The following SPAG16 variants were observed in gnomAD, a reference collection of about 807,000 sequenced individuals.
SPAG16 encodes the protein sperm-associated antigen 16 protein.
SPAG16 carries 86 observed loss-of-function variants against 80.4 expected under a neutral mutation model. The observed-to-expected ratio is 1.07, with a 90% CI of 0.90 to 1.28. The LOEUF (loss-of-function observed/expected upper bound fraction) is 1.28, where lower values mean the gene tolerates loss of function less well. SPAG16 is among the 50% of genes most tolerant of loss of function. The probability of loss-of-function intolerance (pLI) is 0.00; values close to 1 mark genes in which losing one functional copy is unlikely to be tolerated. For missense variants in SPAG16, 870 were observed against 765.3 expected, an observed-to-expected ratio of 1.14 and a Z score of -1.61; for synonymous variants, 294 against 265.9, an observed-to-expected ratio of 1.11 and a Z score of -1.03.
chr2:213,676,018 G>T (rs531824415), intron 10 of SPAG16, among the ~76,000 whole-genome samples: 2 of 152,294 alleles, frequency 1.3e-5, no homozygotes, highest in South Asian at 2.1e-4. Context: ...CTACCCATGA[G>T]CATGGAATGT....
intron 5 of SPAG16, among the ~76,000 whole-genome samples, chr2:213,323,104 G>A (rs1277461566): frequency 2.0e-5 from 3 of 152,160 alleles, no homozygotes; most frequent in Admixed American, 6.5e-5. Context: ...AAAAGTAAAC[G>A]AGAAATCACC....
chr2:213,460,999 T>C (rs1157863442), intron 9 of SPAG16, among the ~76,000 whole-genome samples: 1 of 152,174 alleles, frequency 6.6e-6, no homozygotes, highest in Admixed American at 6.5e-5. Flanking sequence ...TCATGCCATT[T>C]CTACCTCAGA....
At chr2:213,733,064 C>T (rs71635656) in intron 10 of SPAG16, among the ~76,000 whole-genome samples, 1 of 152,082 alleles carries the variant, frequency 6.6e-6, no homozygotes, top group African/African-American at 2.4e-5. Context: ...TTACTAATAG[C>T]CATTCTGACT....
At chr2:213,788,633 G>A (rs1392822521) in intron 10 of SPAG16, among the ~76,000 whole-genome samples, 4 of 151,854 alleles carry the variant, frequency 2.6e-5, no homozygotes, top group African/African-American at 9.7e-5. Context: ...AGCCTGATAT[G>A]CTAAATTTCA....
At chr2:213,487,265 A>C (rs939053437) in intron 9 of SPAG16, among the ~76,000 whole-genome samples, 1 of 152,048 alleles carries the variant, frequency 6.6e-6, no homozygotes, top group Non-Finnish European at 1.5e-5. Flanking sequence ...TTCAATGTGC[A>C]CTTTGAGTTA....
chr2:214,155,017 A>G (rs2056150158), intron 15 of SPAG16, among the ~76,000 whole-genome samples: 1 of 152,176 alleles, frequency 6.6e-6, no homozygotes, highest in Admixed American at 6.6e-5. Context: ...GAAAGTTTCT[A>G]GGTTTCAACT....
chr2:213,381,357 A>T (rs1317433754), intron 9 of SPAG16, among the ~76,000 whole-genome samples: 1 of 152,228 alleles, frequency 6.6e-6, no homozygotes, highest in Non-Finnish European at 1.5e-5. Context: ...AAAATAAAAA[A>T]ACACTGACCC....
intron 15 of SPAG16, chr2:214,239,985 T>C (rs1180686726): frequency 2.0e-5 from 3 of 152,140 alleles, no homozygotes; most frequent in Admixed American, 6.6e-5. Flanking sequence ...TCCTCCACCA[T>C]CAAGGCCAAG....
chr2:214,193,747 A>G (rs2057744669), intron 15 of SPAG16, among the ~76,000 whole-genome samples: 1 of 152,118 alleles, frequency 6.6e-6, no homozygotes, highest in South Asian at 2.1e-4. Context: ...CCTCCATTTC[A>G]TGACCTCAGA....
At chr2:213,434,453 A>C (rs2125499958) in intron 9 of SPAG16, among the ~76,000 whole-genome samples, 1 of 152,306 alleles carries the variant, frequency 6.6e-6, no homozygotes, top group Non-Finnish European at 1.5e-5. Flanking sequence ...AGTAATAAAA[A>C]CAAAAATAGA....
chr2:214,277,951 T>C (rs977084683), intron 15 of SPAG16, among the ~76,000 whole-genome samples: 3 of 152,222 alleles, frequency 2.0e-5, no homozygotes, highest in African/African-American at 7.2e-5. Context: ...TGCTGGGCTG[T>C]GGTGGGGTCC....
Position 213,534,001 on chromosome 2 carries a change from G to A in SPAG16, c.1070+43911G>A, listed in dbSNP as rs769972342. On this transcript the variant is annotated intron_variant, in intron 10 of 15. Transcript: ENST00000331683. Reference sequence around the variant, plus strand: ...TCACCTCCTATTGTTGCATATTTACGTTATTTTTATTTTTGATATTCTGAC... The same window carrying A: ...TCACCTCCTATTGTTGCATATTTACATTATTTTTATTTTTGATATTCTGAC... Among the ~76,000 whole-genome samples the A allele has an allele frequency of 2.5e-4, 38 of 151,970 alleles. 1 individual carries two copies. The highest frequency in any genetic ancestry group is 3.4e-3 in the Middle Eastern group (1 of 294).
intron 11 of SPAG16, among the ~76,000 whole-genome samples, chr2:213,878,197 G>A (rs1020082900): frequency 4.6e-5 from 7 of 152,062 alleles, no homozygotes; most frequent in Non-Finnish European, 1.0e-4. Context: ...TAGATACCTA[G>A]TAGTGAGATT....
In SPAG16 at chr2:213,576,838, TGG is replaced by T. The variant is rs1417066381; in HGVS notation, c.1070+86749_1070+86750del. ...GGGAACAAAACACACTGGGGCCTTT[TGG>T]AGGGTGGAGGGTGGGAGGAAGGAGA... is the stretch of plus-strand genomic sequence containing the variant. On this transcript the variant is annotated intron_variant, in intron 10 of 15. Transcript: ENST00000331683. 9.9e-5 allele frequency among the ~76,000 whole-genome samples: 15 copies of T among 152,116 alleles called. No homozygotes were observed. In the East Asian group the frequency reaches 2.9e-3, roughly 29 times the overall value.
At chr2:213,846,575 ATAATT>A (rs1159916091) in intron 10 of SPAG16, among the ~76,000 whole-genome samples, 1 of 152,042 alleles carries the variant, frequency 6.6e-6, no homozygotes, top group African/African-American at 2.4e-5. Flanking sequence ...ACAAAATAAT[ATAATT>A]ATAAATAAAA....
intron 10 of SPAG16, among the ~76,000 whole-genome samples, chr2:213,652,779 T>C (rs1277990891): frequency 6.6e-6 from 1 of 152,152 alleles, no homozygotes; most frequent in East Asian, 1.9e-4. Flanking sequence ...AGATATATGG[T>C]TTACAAATAC....
At chr2:213,687,359 G>A (rs1165777675) in intron 10 of SPAG16, among the ~76,000 whole-genome samples, 1 of 152,092 alleles carries the variant, frequency 6.6e-6, no homozygotes, top group Non-Finnish European at 1.5e-5. Context: ...AATTCTACTT[G>A]TGATCTTCAT....
intron 14 of SPAG16, among the ~76,000 whole-genome samples, chr2:214,144,859 A>G (rs1326209403): frequency 6.6e-6 from 1 of 152,128 alleles, no homozygotes; most frequent in Non-Finnish European, 1.5e-5. Context: ...GAAGGTTCAA[A>G]CTACAATCAA....
intron 10 of SPAG16, among the ~76,000 whole-genome samples, chr2:213,800,341 TCTCTCCCTCTCTC>T: frequency 9.6e-6 from 1 of 104,172 alleles, no homozygotes; most frequent in African/African-American, 3.7e-5. Flanking sequence ...CCTCTCTCCC[TCTCTCCCTCTCTC>T]CCTCTCTCCC....
Sources: allele counts gnomAD v4.1 joint callset (sites outside exome capture counted in the v4.1 genomes callset), GRCh38; gene constraint gnomAD v4.1.1; transcripts MANE v1.5; gene names NCBI Gene and HGNC (gene_info 2026-07-23, HGNC 2026-07-21).